The following ZNF385B variants were observed in gnomAD, a reference collection of about 807,000 sequenced individuals.
ZNF385B encodes zinc finger protein 533.
A neutral mutation model predicts 39.2 loss-of-function variants in ZNF385B; 23 were observed. That is an observed-to-expected ratio of 0.59 (90% CI 0.42 to 0.83). The LOEUF is 0.83. Ranked by LOEUF, ZNF385B falls within the 40% of genes least tolerant of loss-of-function variation. The pLI is 0.00. For missense variants in ZNF385B, 552 were observed against 598.9 expected, an observed-to-expected ratio of 0.92 and a Z score of 0.82; for synonymous variants, 205 against 222.6, an observed-to-expected ratio of 0.92 and a Z score of 0.70.
chr2:179,726,204 T>C (rs937119030), intron 3 of ZNF385B, among the ~76,000 whole-genome samples: 6 of 152,042 alleles, frequency 3.9e-5, no homozygotes, highest in African/African-American at 1.4e-4. Context: ...TGGTGTCCTG[T>C]ATCTTTCCCT....
chr2:179,638,901 A>T (rs774239625), intron 3 of ZNF385B, among the ~76,000 whole-genome samples: 3 of 152,144 alleles, frequency 2.0e-5, no homozygotes, highest in Non-Finnish European at 2.9e-5. Context: ...ATGAAAAATT[A>T]CAGAAATGGA....
intron 3 of ZNF385B, among the ~76,000 whole-genome samples, chr2:179,604,440 G>A (rs1688642309): frequency 6.6e-6 from 1 of 151,876 alleles, no homozygotes; most frequent in South Asian, 2.1e-4. Flanking sequence ...CCCAATAAAA[G>A]AATGTCCTAT....
At chr2:179,565,781 G>A (rs760021225) in intron 3 of ZNF385B, among the ~76,000 whole-genome samples, 1 of 152,070 alleles carries the variant, frequency 6.6e-6, no homozygotes, top group Non-Finnish European at 1.5e-5. Context: ...TCTCTTCCAC[G>A]AAGCCTTCCC....
At chr2:179,621,108 G>T (rs1216478388) in intron 3 of ZNF385B, among the ~76,000 whole-genome samples, 1 of 152,024 alleles carries the variant, frequency 6.6e-6, no homozygotes, top group Non-Finnish European at 1.5e-5. Flanking sequence ...GGTCTACACT[G>T]AGAAGACCAA....
At chr2:179,592,862 A>G (rs953991095) in intron 3 of ZNF385B, among the ~76,000 whole-genome samples, 4 of 152,118 alleles carry the variant, frequency 2.6e-5, no homozygotes, top group Admixed American at 6.6e-5. Context: ...GCAGGCCCCA[A>G]TGGATTCTCA....
At chr2:179,652,925 G>A (rs1012817875) in intron 3 of ZNF385B, among the ~76,000 whole-genome samples, 1 of 150,688 alleles carries the variant, frequency 6.6e-6, no homozygotes, top group East Asian at 1.9e-4. Flanking sequence ...TTTAGGCAGG[G>A]AAAAAAAAAT....
intron 3 of ZNF385B, among the ~76,000 whole-genome samples, chr2:179,715,833 T>G (rs1353481438): frequency 1.3e-5 from 2 of 152,184 alleles, no homozygotes; most frequent in Non-Finnish European, 2.9e-5. Flanking sequence ...TTACCCATCA[T>G]AAAGTAATGA....
chr2:179,859,258 G>T (rs1684847880), intron 1 of ZNF385B, among the ~76,000 whole-genome samples: 1 of 151,976 alleles, frequency 6.6e-6, no homozygotes, highest in African/African-American at 2.4e-5. Context: ...ACCTCCGTTT[G>T]GTTTCCTTTG....
intron 4 of ZNF385B, among the ~76,000 whole-genome samples, chr2:179,518,962 C>T (rs1313546598): frequency 6.6e-6 from 1 of 152,140 alleles, no homozygotes; most frequent in African/African-American, 2.4e-5. Flanking sequence ...AACTTAAGAT[C>T]CAAAGGTCAA....
At chr2:179,486,460 A>T (rs2054576577) in intron 5 of ZNF385B, among the ~76,000 whole-genome samples, 1 of 152,246 alleles carries the variant, frequency 6.6e-6, no homozygotes, top group Non-Finnish European at 1.5e-5. Context: ...TTATAATTTT[A>T]TTAGAAGTAA....
At chr2:179,593,539 G>A (rs571176201) in intron 3 of ZNF385B, among the ~76,000 whole-genome samples, 24 of 152,094 alleles carry the variant, frequency 1.6e-4, no homozygotes, top group African/African-American at 3.4e-4. Context: ...ATTTTCATGC[G>A]TAGAACAATT....
chr2:179,527,134 T>C (rs1313215815), intron 4 of ZNF385B, among the ~76,000 whole-genome samples: 2 of 152,218 alleles, frequency 1.3e-5, no homozygotes, highest in Non-Finnish European at 2.9e-5. Flanking sequence ...TTGAGGCTGG[T>C]TGACTACAGG....
intron 1 of ZNF385B, among the ~76,000 whole-genome samples, chr2:179,822,610 C>T (rs1411959374): frequency 6.6e-6 from 1 of 152,142 alleles, no homozygotes; most frequent in Non-Finnish European, 1.5e-5. Context: ...CCTAAAGACC[C>T]TCCCTAGACT....
chr2:179,648,903 G>T (rs1692974255), intron 3 of ZNF385B, among the ~76,000 whole-genome samples: 1 of 152,082 alleles, frequency 6.6e-6, no homozygotes, highest in African/African-American at 2.4e-5. Flanking sequence ...CAAAGAATGA[G>T]ATATTCATAA....
chr2:179,539,525 A>G (rs1370161029), intron 4 of ZNF385B, among the ~76,000 whole-genome samples: 1 of 152,194 alleles, frequency 6.6e-6, no homozygotes, highest in African/African-American at 2.4e-5. Context: ...ATTTATTTCA[A>G]TTCAGAAGAA....
At chr2:179,671,744 T>A (rs1696032789) in intron 3 of ZNF385B, among the ~76,000 whole-genome samples, 1 of 152,172 alleles carries the variant, frequency 6.6e-6, no homozygotes, top group South Asian at 2.1e-4. Context: ...CTCTCTGAAC[T>A]CCATCCTATG....
At chr2:179,476,870 A>G (rs1043370475) in intron 6 of ZNF385B, among the ~76,000 whole-genome samples, 3 of 152,194 alleles carry the variant, frequency 2.0e-5, no homozygotes, top group Non-Finnish European at 4.4e-5. Context: ...AGAACTTCAG[A>G]CTTAAGATGT....
intron 3 of ZNF385B, among the ~76,000 whole-genome samples, chr2:179,620,358 T>C (rs1359638154): frequency 6.6e-6 from 1 of 152,180 alleles, no homozygotes; most frequent in Non-Finnish European, 1.5e-5. Flanking sequence ...CTCTCCTTAT[T>C]GTGATATCCT....
At chr2:179,520,320 A>T (rs573601255) in intron 4 of ZNF385B, among the ~76,000 whole-genome samples, 14 of 152,106 alleles carry the variant, frequency 9.2e-5, no homozygotes, top group Non-Finnish European at 2.1e-4. Context: ...AGTAAAAAAG[A>T]AAAACCTTCT....
Sources: allele counts gnomAD v4.1 joint callset (sites outside exome capture counted in the v4.1 genomes callset), GRCh38; gene constraint gnomAD v4.1.1; transcripts MANE v1.5; gene names NCBI Gene and HGNC (gene_info 2026-07-23, HGNC 2026-07-21).